GALNT14: variants seen among roughly 807,000 people sequenced by gnomAD.
GALNT14 encodes the protein UDP-GalNAc:polypeptide N-acetylgalactosaminyltransferase 14.
Under a neutral mutation model 77.5 loss-of-function variants are expected in GALNT14, and 60 were observed. The ratio of observed to expected loss-of-function variants is 0.77; its 90% CI spans 0.63 to 0.96. The LOEUF is 0.96. Ranked by LOEUF, GALNT14 falls within the 40% of genes least tolerant of loss-of-function variation. GALNT14 has a pLI of 0.00. For synonymous variants in GALNT14, 280 were observed against 281.7 expected (o/e 0.99, Z 0.06); for missense variants, 710 against 731.0 (o/e 0.97, Z 0.33).
chr2:31,123,106 C>T (rs1388904246), intron 1 of GALNT14, among the ~76,000 whole-genome samples: 6 of 140,860 alleles, frequency 4.3e-5, no homozygotes, highest in Non-Finnish European at 7.5e-5. Context: ...GGCATGAACT[C>T]AGGAGGCGGA....
chr2:31,036,355 G>A (rs1672739007), intron 1 of GALNT14, among the ~76,000 whole-genome samples: 1 of 152,076 alleles, frequency 6.6e-6, no homozygotes, highest in African/African-American at 2.4e-5. Flanking sequence ...AGTATAGTTT[G>A]AATTAATGCC....
chr2:30,994,534 G>C (rs1669905089), intron 1 of GALNT14, among the ~76,000 whole-genome samples: 1 of 152,204 alleles, frequency 6.6e-6, no homozygotes, highest in Admixed American at 6.5e-5. Flanking sequence ...TTGGAGACCA[G>C]AGATTTTTAT....
chr2:31,058,185 T>C (rs1462385586), intron 1 of GALNT14, among the ~76,000 whole-genome samples: 1 of 152,208 alleles, frequency 6.6e-6, no homozygotes, highest in Non-Finnish European at 1.5e-5. Flanking sequence ...AGCTGTTTCC[T>C]ACAGGTATCC....
downstream of GALNT14, among the ~76,000 whole-genome samples, chr2:30,907,627 A>G (rs1050157755): frequency 6.6e-5 from 10 of 152,034 alleles, no homozygotes; most frequent in African/African-American, 2.4e-4. Flanking sequence ...ATTCTACCAG[A>G]GGTACAAGGA....
chr2:30,955,793 C>T (rs531109698), intron 5 of GALNT14, 54 bp from the exon 6 acceptor site: 309 of 1,610,242 alleles, frequency 1.9e-4, no homozygotes, highest in Non-Finnish European at 2.4e-4. Context: ...CATTGTCCAG[C>T]GAGACCAGGG....
In GALNT14 at chr2:30,934,457, C is replaced by T. The variant is rs543072544; in HGVS notation, c.932-2263G>A. On this transcript the variant is annotated intron_variant, in intron 9 of 14. Transcript: ENST00000349752. Reference sequence around the variant, plus strand: ...GCCAGCTTTCTTCTAAAGATATGTACGGGTTTCATCTACAGTCTCTTCCTT... The same window carrying T: ...GCCAGCTTTCTTCTAAAGATATGTATGGGTTTCATCTACAGTCTCTTCCTT... Among the ~76,000 whole-genome samples the T allele has an allele frequency of 2.0e-4, 30 of 152,322 alleles. 1 individual carries two copies. Among genetic ancestry groups the T allele is most frequent in the Non-Finnish European group, 3.4e-4 (23 of 68,040 alleles).
chr2:30,901,575 T>C, the GALNT14 span, among the ~76,000 whole-genome samples: 5 of 151,792 alleles, frequency 3.3e-5, no homozygotes, highest in Non-Finnish European at 7.4e-5. Flanking sequence ...TATATGTGTG[T>C]ATATATGTGA....
chr2:30,887,755 T>G, the GALNT14 span, among the ~76,000 whole-genome samples: 13 of 152,252 alleles, frequency 8.5e-5, no homozygotes, highest in Non-Finnish European at 1.3e-4. Context: ...CTCATGCTTT[T>G]GATGTCATAC....
At chr2:30,994,244 G>A (rs1558475892) in intron 1 of GALNT14, among the ~76,000 whole-genome samples, 1 of 152,192 alleles carries the variant, frequency 6.6e-6, no homozygotes, top group Non-Finnish European at 1.5e-5. Flanking sequence ...GTCTCAAGCT[G>A]CATGGGTACT....
chr2:30,890,051 C>G, the GALNT14 span, among the ~76,000 whole-genome samples: 1 of 152,080 alleles, frequency 6.6e-6, no homozygotes, highest in African/African-American at 2.4e-5. Flanking sequence ...TGTGGTCTCC[C>G]CATGCCACCC....
At chr2:30,949,954 G>T (rs147815500) in intron 6 of GALNT14, among the ~76,000 whole-genome samples, 2 of 152,322 alleles carry the variant, frequency 1.3e-5, no homozygotes, top group African/African-American at 4.8e-5. Flanking sequence ...AAGGACAGCT[G>T]GGTTGACAGG....
At chr2:30,987,704 CCTCCCTCCCCCT>C (rs1218632673) in intron 2 of GALNT14, among the ~76,000 whole-genome samples, 37 of 59,970 alleles carry the variant, frequency 6.2e-4, no homozygotes, top group Admixed American at 1.8e-3. Flanking sequence ...CAGCCTTCCT[CCTCCCTCCCCCT>C]CCTCCCCCTC....
intron 1 of GALNT14, among the ~76,000 whole-genome samples, chr2:31,134,000 T>C (rs1679105822): frequency 6.6e-6 from 1 of 152,190 alleles, no homozygotes; most frequent in Non-Finnish European, 1.5e-5. Flanking sequence ...GTAGCATGCC[T>C]TCTTCACTTC....
chr2:31,072,516 G>A (rs570886787), intron 1 of GALNT14, among the ~76,000 whole-genome samples: 1 of 151,602 alleles, frequency 6.6e-6, no homozygotes, highest in Non-Finnish European at 1.5e-5. Context: ...CCCTTACTGT[G>A]GTTTGCTTGG....
intron 1 of GALNT14, among the ~76,000 whole-genome samples, chr2:31,133,650 A>G (rs1242933055): frequency 6.6e-6 from 1 of 152,234 alleles, no homozygotes; most frequent in Non-Finnish European, 1.5e-5. Context: ...ATAAGAGACA[A>G]ATTTGCTGAT....
intron 3 of GALNT14, among the ~76,000 whole-genome samples, chr2:30,963,167 G>A (rs1667794932): frequency 6.6e-6 from 1 of 152,174 alleles, no homozygotes; most frequent in Non-Finnish European, 1.5e-5. Context: ...CACGTCATGG[G>A]TGTCTTCTGA....
chr2:31,070,206 T>A (rs1297818564), intron 1 of GALNT14, among the ~76,000 whole-genome samples: 1 of 152,164 alleles, frequency 6.6e-6, no homozygotes, highest in African/African-American at 2.4e-5. Context: ...TATTCCACCA[T>A]CTACTCATTC....
At chr2:30,979,981 C>T (rs1668884280) in intron 2 of GALNT14, among the ~76,000 whole-genome samples, 1 of 152,244 alleles carries the variant, frequency 6.6e-6, no homozygotes, top group Non-Finnish European at 1.5e-5. Context: ...ACAAATTTCA[C>T]CAGATGTGGC....
At chr2:30,947,997 G>A (rs1666802453) in intron 6 of GALNT14, among the ~76,000 whole-genome samples, 1 of 152,150 alleles carries the variant, frequency 6.6e-6, no homozygotes, top group African/African-American at 2.4e-5. Context: ...GTTCCTCTGG[G>A]GCTCTTGGGC....
Sources: gnomAD v4.1 joint callset for allele counts (sites outside exome capture counted in the v4.1 genomes callset) on GRCh38, gnomAD v4.1.1 for gene constraint, MANE v1.5 for transcripts, NCBI Gene and HGNC (gene_info 2026-07-23, HGNC 2026-07-21) for gene names.